NCKAP5: variants seen among roughly 807,000 people sequenced by gnomAD.
NCKAP5 encodes the protein NCK associated protein 5.
In NCKAP5, 92 loss-of-function variants were observed where a neutral mutation model predicts 167.0. The observed-to-expected ratio is 0.55, with a 90% CI of 0.47 to 0.66. The LOEUF (loss-of-function observed/expected upper bound fraction) is 0.66, where lower values mean the gene tolerates loss of function less well. Ranked by LOEUF, NCKAP5 falls within the 30% of genes least tolerant of loss-of-function variation. The pLI is 0.00. For missense variants in NCKAP5, 2,378 were observed against 2,315.0 expected (o/e 1.03, Z -0.56); for synonymous variants, 891 against 877.4 (o/e 1.02, Z -0.27).
chr2:132,976,423 G>C (rs1463443695), intron 7 of NCKAP5, among the ~76,000 whole-genome samples: 1 of 151,982 alleles, frequency 6.6e-6, no homozygotes, highest in African/African-American at 2.4e-5. Flanking sequence ...AATTAGCCGG[G>C]CATGGTGGCA....
chr2:132,923,880 A>C (rs1340415655), intron 8 of NCKAP5, among the ~76,000 whole-genome samples: 1 of 152,210 alleles, frequency 6.6e-6, no homozygotes, highest in Admixed American at 6.5e-5. Flanking sequence ...ACCTTTTATG[A>C]ACATAAAAAT....
At chr2:133,046,717 A>G (rs1052932053) in intron 6 of NCKAP5, among the ~76,000 whole-genome samples, 1 of 152,188 alleles carries the variant, frequency 6.6e-6, no homozygotes, top group African/African-American at 2.4e-5. Flanking sequence ...GAAACTACCT[A>G]GCTTCTAAGA....
chr2:132,864,641 G>A (rs1411642801), intron 10 of NCKAP5, among the ~76,000 whole-genome samples: 1 of 152,184 alleles, frequency 6.6e-6, no homozygotes, highest in Non-Finnish European at 1.5e-5. Context: ...TTTATGTATT[G>A]AAGAGTAAAA....
chr2:133,665,729 G>A, the NCKAP5 span, among the ~76,000 whole-genome samples: 1 of 152,142 alleles, frequency 6.6e-6, no homozygotes, highest in Non-Finnish European at 1.5e-5. Context: ...CAATATCCGC[G>A]ACGTGCGATA....
chr2:132,800,012 G>A lies in NCKAP5; in HGVS notation c.808-3283C>T, dbSNP rs148340105. 2.7e-4 allele frequency among the ~76,000 whole-genome samples: 41 copies of A among 152,254 alleles called. 1 individual carries two copies. The East Asian group carries it at 7.7e-3, about 29-fold the overall frequency. On this transcript the variant is annotated intron_variant, in intron 11 of 19. Coordinates refer to ENST00000409261, the MANE Select transcript of NCKAP5 (RefSeq NM_207363.3). ...ACCCCAAAGAAACTACATTTCTTATGACAAGAATTTTTATAATAGGCTCAT... is the reference window on the plus strand; with the variant it reads ...ACCCCAAAGAAACTACATTTCTTATAACAAGAATTTTTATAATAGGCTCAT...
chr2:133,141,603 A>C (rs1258792208), intron 5 of NCKAP5, among the ~76,000 whole-genome samples: 1 of 152,192 alleles, frequency 6.6e-6, no homozygotes, highest in Non-Finnish European at 1.5e-5. Flanking sequence ...GGTACTACTG[A>C]AGCTTTTGTT....
intron 6 of NCKAP5, among the ~76,000 whole-genome samples, chr2:133,044,840 C>T (rs767305385): frequency 2.6e-5 from 4 of 151,904 alleles, no homozygotes; most frequent in Non-Finnish European, 5.9e-5. Flanking sequence ...TTTGGGAGGC[C>T]GAGGTAGGAA....
intron 15 of NCKAP5, among the ~76,000 whole-genome samples, chr2:132,778,834 C>G (rs532644909): frequency 2.6e-5 from 4 of 152,254 alleles, no homozygotes; most frequent in Admixed American, 6.5e-5. Context: ...AGGCTGATAA[C>G]ATATAATAAA....
intron 3 of NCKAP5, among the ~76,000 whole-genome samples, chr2:133,320,028 A>C (rs1262117184): frequency 1.3e-5 from 2 of 152,132 alleles, no homozygotes; most frequent in Non-Finnish European, 2.9e-5. Flanking sequence ...AACGAAACCA[A>C]CTGCAACAAG....
At chr2:132,714,966 T>C in intron 19 of NCKAP5, 1 of 438,538 alleles carries the variant, frequency 2.3e-6, no homozygotes, top group South Asian at 1.6e-5. Context: ...GCCCACTGTG[T>C]AATTCGCTGA....
chr2:133,367,538 T>C (rs1483381088), intron 3 of NCKAP5, among the ~76,000 whole-genome samples: 1 of 152,188 alleles, frequency 6.6e-6, no homozygotes, highest in Non-Finnish European at 1.5e-5. Flanking sequence ...GAAAACAAAG[T>C]GCTGATTTTA....
intron 4 of NCKAP5, among the ~76,000 whole-genome samples, chr2:133,261,544 C>A (rs1046605805): frequency 6.6e-6 from 1 of 152,132 alleles, no homozygotes; most frequent in Non-Finnish European, 1.5e-5. Context: ...TACTATGATG[C>A]TATTATTATT....
At chr2:132,713,384 TG>T (rs1558958242) in intron 19 of NCKAP5, among the ~76,000 whole-genome samples, 2 of 151,646 alleles carry the variant, frequency 1.3e-5, no homozygotes, top group African/African-American at 4.8e-5. Flanking sequence ...TGGCAGTATC[TG>T]GAGGAAGATA....
At chr2:132,715,023 G>A in intron 19 of NCKAP5, 3 of 392,832 alleles carry the variant, frequency 7.6e-6, no homozygotes, top group South Asian at 1.9e-5. Context: ...CATCTCCTTG[G>A]TTGTATAGTA....
intron 6 of NCKAP5, chr2:133,117,507 T>C (rs1302955753): frequency 6.6e-6 from 1 of 152,234 alleles, no homozygotes; most frequent in Non-Finnish European, 1.5e-5. Context: ...TACTCAATTC[T>C]TTACTCAAGA....
At chr2:132,823,138 AATT>A (rs201006008) in intron 11 of NCKAP5, among the ~76,000 whole-genome samples, 3,627 of 152,328 alleles carry the variant, frequency 0.024, 63 homozygotes, top group Non-Finnish European at 0.038. Context: ...TTGTGGGAAT[AATT>A]GAGGAAGACT....
chr2:133,365,451 T>C (rs1360102229), intron 3 of NCKAP5, among the ~76,000 whole-genome samples: 1 of 151,988 alleles, frequency 6.6e-6, no homozygotes, highest in Non-Finnish European at 1.5e-5. Flanking sequence ...TTGCCTGTCC[T>C]ACCTATGAGC....
chr2:133,466,602 G>A (rs1394950586), intron 3 of NCKAP5, among the ~76,000 whole-genome samples: 2 of 152,302 alleles, frequency 1.3e-5, no homozygotes, highest in Non-Finnish European at 2.9e-5. Context: ...ACCTTGGGCA[G>A]TATGGCCATT....
At chr2:133,132,158 G>A (rs13018841) in intron 5 of NCKAP5, among the ~76,000 whole-genome samples, 29,548 of 151,690 alleles carry the variant, frequency 0.19, 3,169 homozygotes, top group Non-Finnish European at 0.24. Flanking sequence ...TGTGTTGGCG[G>A]GTGCCTATAA....
Sources: gnomAD v4.1 joint callset for allele counts (sites outside exome capture counted in the v4.1 genomes callset) on GRCh38, gnomAD v4.1.1 for gene constraint, MANE v1.5 for transcripts, NCBI Gene and HGNC (gene_info 2026-07-23, HGNC 2026-07-21) for gene names.